SPATA17: variants seen among roughly 807,000 people sequenced by gnomAD.
SPATA17 encodes spermatogenesis associated 17.
Under a neutral mutation model 62.2 loss-of-function variants are expected in SPATA17, and 53 were observed. The observed-to-expected ratio is 0.85, with a 90% CI of 0.68 to 1.07. The LOEUF is 1.07. Ranked by LOEUF, SPATA17 falls within the 50% of genes least tolerant of loss-of-function variation. The pLI is 0.00. For synonymous variants in SPATA17, 146 were observed against 146.8 expected (o/e 0.99, Z 0.04); for missense variants, 466 against 425.5 (o/e 1.10, Z -0.84).
At chr1:217,844,567 C>T (rs1675483251) in intron 9 of SPATA17, among the ~76,000 whole-genome samples, 1 of 151,986 alleles carries the variant, frequency 6.6e-6, no homozygotes, top group East Asian at 1.9e-4. Context: ...ATGATACAGT[C>T]CTTGAATCAA....
chr1:217,716,118 C>G lies in SPATA17; in HGVS notation c.396-25857C>G, dbSNP rs1278905022. Reference sequence around the variant, plus strand: ...GCTCTGGCAGAAAAATATACAGAACCAACAAATGCAATATGCTAATGACAA... The same window carrying G: ...GCTCTGGCAGAAAAATATACAGAACGAACAAATGCAATATGCTAATGACAA... On this transcript the variant is annotated intron_variant, in intron 5 of 10. Coordinates refer to ENST00000366933, the MANE Select transcript of SPATA17 (RefSeq NM_138796.4). Among the ~76,000 whole-genome samples the G allele has an allele frequency of 3.3e-5, 5 of 152,152 alleles. 1 individual carries two copies. The highest frequency in any genetic ancestry group is 3.9e-4 in the East Asian group (2 of 5,188).
At chr1:217,844,761 A>C (rs1675486427) in intron 9 of SPATA17, among the ~76,000 whole-genome samples, 1 of 152,122 alleles carries the variant, frequency 6.6e-6, no homozygotes, top group Non-Finnish European at 1.5e-5. Context: ...TTTCATATGT[A>C]AGTGACAACT....
chr1:217,716,608 G>A (rs1366794057), intron 5 of SPATA17, among the ~76,000 whole-genome samples: 1 of 152,050 alleles, frequency 6.6e-6, no homozygotes, highest in Non-Finnish European at 1.5e-5. Flanking sequence ...TTACTGAAAT[G>A]GTATAAACAC....
chr1:217,702,531 A>AT (rs1372762107), intron 5 of SPATA17, among the ~76,000 whole-genome samples: 2 of 152,142 alleles, frequency 1.3e-5, no homozygotes, highest in South Asian at 2.1e-4. Context: ...TATGTATCTC[A>AT]TTTTTTAATG....
intron 5 of SPATA17, among the ~76,000 whole-genome samples, chr1:217,700,693 T>A (rs868724200): frequency 2.0e-5 from 3 of 152,032 alleles, no homozygotes; most frequent in South Asian, 2.1e-4. Flanking sequence ...CTCAAGCGAA[T>A]CTCCTGCCTC....
intron 5 of SPATA17, among the ~76,000 whole-genome samples, chr1:217,709,448 C>T (rs1039306947): frequency 6.6e-6 from 1 of 151,962 alleles, no homozygotes; most frequent in Admixed American, 6.6e-5. Flanking sequence ...GATGGTGTCC[C>T]TCAGATTGTT....
chr1:217,713,020 T>C (rs1028955518), intron 5 of SPATA17, among the ~76,000 whole-genome samples: 2 of 152,076 alleles, frequency 1.3e-5, no homozygotes, highest in South Asian at 2.1e-4. Context: ...AATGAAGAAA[T>C]ACCCCTAATT....
intron 5 of SPATA17, 76 bp from the exon 6 acceptor site, chr1:217,741,899 A>T (rs1177620944): frequency 6.4e-7 from 1 of 1,573,412 alleles, no homozygotes; most frequent in East Asian, 2.2e-5. Context: ...CCTCAAAAAA[A>T]CTGATTTATC....
intron 5 of SPATA17, among the ~76,000 whole-genome samples, chr1:217,701,304 T>C (rs929879967): frequency 6.6e-6 from 1 of 150,518 alleles, no homozygotes; most frequent in Non-Finnish European, 1.5e-5. Flanking sequence ...TGTGTATATG[T>C]GTGTGTGTGT....
At position 217,869,577 on chromosome 1, in the gene SPATA17, CAATT is replaced by C. The variant is rs1477979222; in HGVS notation, c.*2559_*2562del. On this transcript the variant is annotated 3_prime_UTR_variant, in exon 11 of 11. Coordinates refer to ENST00000366933, the MANE Select transcript of SPATA17 (RefSeq NM_138796.4). ...ATATATATTTTAGGGTAAAATGCCT[CAATT>C]TATTTCAAGGCCTGATATTTGTCAT... 2.0e-5 allele frequency: 3 copies of C among 152,064 alleles called. No individual in the cohort carries two copies. The East Asian group carries it at 5.8e-4, about 29-fold the overall frequency. 9.4% of individuals were successfully genotyped at this position (152,064 alleles called of 1,614,324 possible).
At chr1:217,806,179 A>G (rs947451722) in intron 9 of SPATA17, among the ~76,000 whole-genome samples, 6 of 152,260 alleles carry the variant, frequency 3.9e-5, no homozygotes, top group African/African-American at 1.4e-4. Context: ...TTTCATGTTA[A>G]GACTTGAAAA....
At chr1:217,786,265 G>C (rs994147396) in intron 8 of SPATA17, among the ~76,000 whole-genome samples, 2 of 152,138 alleles carry the variant, frequency 1.3e-5, no homozygotes, top group African/African-American at 4.8e-5. Flanking sequence ...TCAAGTGTGT[G>C]TAAGAGACAA....
chr1:217,731,369 A>T (rs938245883), intron 5 of SPATA17, among the ~76,000 whole-genome samples: 3 of 151,920 alleles, frequency 2.0e-5, no homozygotes, highest in African/African-American at 7.3e-5. Context: ...TCCCACCAAC[A>T]TCTCAAGCTG....
At chr1:217,705,080 T>C (rs987951839) in intron 5 of SPATA17, among the ~76,000 whole-genome samples, 2 of 152,218 alleles carry the variant, frequency 1.3e-5, no homozygotes, top group African/African-American at 4.8e-5. Context: ...TTTTTGACTT[T>C]TTTAAAATAG....
intron 1 of SPATA17, among the ~76,000 whole-genome samples, chr1:217,638,102 C>T (rs1163358176): frequency 1.3e-5 from 2 of 151,772 alleles, no homozygotes; most frequent in Admixed American, 1.3e-4. Flanking sequence ...CAGTGAATAT[C>T]GAAAAGGTAA....
intron 5 of SPATA17, among the ~76,000 whole-genome samples, chr1:217,729,927 G>A (rs919664316): frequency 6.6e-6 from 1 of 152,080 alleles, no homozygotes; most frequent in African/African-American, 2.4e-5. Context: ...TTAACAAAAG[G>A]AAAAAGCTCA....
At chr1:217,770,953 A>T (rs1457885524) in intron 6 of SPATA17, among the ~76,000 whole-genome samples, 5 of 105,886 alleles carry the variant, frequency 4.7e-5, no homozygotes, top group African/African-American at 1.4e-4. Flanking sequence ...CAAGAAAAAT[A>T]TGTATCTATT....
At chr1:217,769,204 G>A (rs1673378095) in intron 6 of SPATA17, among the ~76,000 whole-genome samples, 1 of 152,112 alleles carries the variant, frequency 6.6e-6, no homozygotes, top group South Asian at 2.1e-4. Flanking sequence ...TTTCCATCAT[G>A]TGAGAAAAAA....
chr1:217,864,201 T>A (rs1318138157), intron 10 of SPATA17, among the ~76,000 whole-genome samples: 1 of 152,206 alleles, frequency 6.6e-6, no homozygotes, highest in Non-Finnish European at 1.5e-5. Flanking sequence ...AGAGCCAGAG[T>A]ATGAAGTAAT....
Sources: gnomAD v4.1 joint callset for allele counts (sites outside exome capture counted in the v4.1 genomes callset) on GRCh38, gnomAD v4.1.1 for gene constraint, MANE v1.5 for transcripts, NCBI Gene and HGNC (gene_info 2026-07-23, HGNC 2026-07-21) for gene names.